Variants in FMNL2 observed in about 807,000 individuals in gnomAD.
The protein encoded by FMNL2 is formin like 2.
A neutral mutation model predicts 130.2 loss-of-function variants in FMNL2; 51 were observed. That is an observed-to-expected ratio of 0.39 (90% CI 0.31 to 0.49). FMNL2 has a LOEUF of 0.49. FMNL2 is among the 20% of genes least tolerant of loss of function. The pLI is 0.85. For synonymous variants in FMNL2, 465 were observed against 467.1 expected, an observed-to-expected ratio of 1.00 and a Z score of 0.06; for missense variants, 977 against 1,316.2, an observed-to-expected ratio of 0.74 and a Z score of 3.99.
chr2:152,521,874 T>C, intron 1 of FMNL2, 69 bp from the exon 2 acceptor site: 2 of 1,248,854 alleles, frequency 1.6e-6, no homozygotes, highest in South Asian at 2.5e-5. Context: ...TTGGTCTGCC[T>C]GCAAGTTACC....
intron 9 of FMNL2, among the ~76,000 whole-genome samples, chr2:152,605,310 G>T (rs950001495): frequency 1.4e-5 from 2 of 146,140 alleles, no homozygotes; most frequent in Non-Finnish European, 3.0e-5. Flanking sequence ...GCGTGTGCGT[G>T]TGTGTGTGCG....
At chr2:152,444,218 A>G (rs1008905486) in intron 1 of FMNL2, among the ~76,000 whole-genome samples, 1 of 152,138 alleles carries the variant, frequency 6.6e-6, no homozygotes, top group African/African-American at 2.4e-5. Flanking sequence ...AAGAGACTTG[A>G]GAGTGTTTAA....
rs543387520 is a variant in FMNL2, at chr2:152,468,817, C to G, written c.118-53126C>G. ...ACAATACCTTACTGAAGCAAGTGCTCAAAAGATAATTATTGAATAGGTGAT... is the reference window on the plus strand; with the variant it reads ...ACAATACCTTACTGAAGCAAGTGCTGAAAAGATAATTATTGAATAGGTGAT... On this transcript the variant is annotated intron_variant, in intron 1 of 25. Coordinates refer to ENST00000288670, the MANE Select transcript of FMNL2 (RefSeq NM_052905.4). 1.9e-4 allele frequency among the ~76,000 whole-genome samples: 29 copies of G among 152,226 alleles called. 1 individual carries two copies. Among genetic ancestry groups the G allele is most frequent in the Middle Eastern group, 3.4e-3 (1 of 294 alleles).
At position 152,558,830 on chromosome 2, in the gene FMNL2, A is replaced by AAAACTTGGCTTGCTTGCATTTGAATT; in HGVS notation, c.443+8_443+33dup. ...TTGCACAGTACGCGGTAACGTAAGT[A>AAAACTTGGCTTGCTTGCATTTGAATT]AAACTTGGCTTGCTTGCATTTGAAT... On this transcript the variant is annotated splice_region_variant and intron_variant, in intron 5 of 25. Coordinates refer to ENST00000288670, the MANE Select transcript of FMNL2 (RefSeq NM_052905.4). 1.2e-6 allele frequency: 2 copies of AAAACTTGGCTTGCTTGCATTTGAATT among 1,612,270 alleles called. No individual in the cohort carries two copies. The highest frequency in any genetic ancestry group is 1.7e-6 in the Non-Finnish European group (2 of 1,179,098).
At chr2:152,381,394 C>G (rs1320450251) in intron 1 of FMNL2, among the ~76,000 whole-genome samples, 1 of 152,128 alleles carries the variant, frequency 6.6e-6, no homozygotes, top group East Asian at 1.9e-4. Flanking sequence ...GTGCCCTCTT[C>G]CAGAAGGGAA....
intron 1 of FMNL2, among the ~76,000 whole-genome samples, chr2:152,463,964 G>A (rs369828642): frequency 3.3e-5 from 5 of 152,014 alleles, no homozygotes; most frequent in African/African-American, 1.2e-4. Flanking sequence ...ATGGAGTCTC[G>A]CTCTATCACC....
chr2:152,439,349 G>C (rs548932738), intron 1 of FMNL2, among the ~76,000 whole-genome samples: 25 of 152,030 alleles, frequency 1.6e-4, no homozygotes, highest in Non-Finnish European at 3.2e-4. Flanking sequence ...TTATTTTCAA[G>C]GTTCAAGGTT....
chr2:152,389,666 G>C (rs1472493521), intron 1 of FMNL2, among the ~76,000 whole-genome samples: 3 of 152,234 alleles, frequency 2.0e-5, no homozygotes, highest in Admixed American at 6.5e-5. Context: ...ACGTGGATCC[G>C]AGCCGGCGCG....
At chr2:152,338,952 A>G (rs1182295597) in intron 1 of FMNL2, among the ~76,000 whole-genome samples, 1 of 152,226 alleles carries the variant, frequency 6.6e-6, no homozygotes, top group Non-Finnish European at 1.5e-5. Context: ...TTATAAAGTC[A>G]GCCACGTACT....
chr2:152,569,111 CTT>C (rs34246751), intron 6 of FMNL2, among the ~76,000 whole-genome samples: 97,596 of 133,134 alleles, frequency 0.73, 35,317 homozygotes, highest in East Asian at 0.8. Context: ...CCGCCCCAAT[CTT>C]TTTTTTTTTT....
intron 4 of FMNL2, among the ~76,000 whole-genome samples, chr2:152,554,939 T>C (rs1002280432): frequency 6.6e-6 from 1 of 152,200 alleles, no homozygotes; most frequent in African/African-American, 2.4e-5. Context: ...GAGCTTCCTG[T>C]TTTGTCACAC....
At chr2:152,542,682 G>A in intron 2 of FMNL2, 57 bp from the exon 3 acceptor site, 1 of 1,565,086 alleles carries the variant, frequency 6.4e-7, no homozygotes, top group Non-Finnish European at 8.8e-7. Flanking sequence ...ATCTGATGTG[G>A]CTGACTGTGT....
chr2:152,573,415 G>T (rs1030691172), intron 6 of FMNL2, among the ~76,000 whole-genome samples: 2 of 152,202 alleles, frequency 1.3e-5, no homozygotes, highest in Non-Finnish European at 2.9e-5. Context: ...GATGAGTCAG[G>T]TTGATGATGA....
chr2:152,355,665 C>G (rs142580642), intron 1 of FMNL2, among the ~76,000 whole-genome samples: 18 of 152,308 alleles, frequency 1.2e-4, no homozygotes, highest in African/African-American at 4.1e-4. Context: ...TTGTACAGGC[C>G]TTCTTTCCTT....
At chr2:152,641,766 G>A (rs528876512) in intron 25 of FMNL2, among the ~76,000 whole-genome samples, 4 of 151,880 alleles carry the variant, frequency 2.6e-5, no homozygotes, top group African/African-American at 7.2e-5. Context: ...AATTTCACTT[G>A]GAAATATTTC....
Position 152,628,475 on chromosome 2 carries a change from AGAT to A in FMNL2, c.2345_2347del (p.Met782del). On this transcript the variant is annotated inframe_deletion, in exon 18 of 26. Transcript: ENST00000288670. ...AGTAAAATCGAGAGGCTCATGCAGAAGATGACCATCATGGCCTTCATTGGGAAC... is the reference window on the plus strand; with the variant it reads ...AGTAAAATCGAGAGGCTCATGCAGAAGACCATCATGGCCTTCATTGGGAAC... 2 of 1,614,058 alleles carry A rather than the reference AGAT, an allele frequency of 1.2e-6. No individual in the cohort carries two copies. Among genetic ancestry groups the A allele is most frequent in the Non-Finnish European group, 1.7e-6 (2 of 1,179,896 alleles).
At chr2:152,361,187 A>ATTCTAATAT (rs1319866748) in intron 1 of FMNL2, among the ~76,000 whole-genome samples, 3 of 152,176 alleles carry the variant, frequency 2.0e-5, no homozygotes, top group South Asian at 2.1e-4. Context: ...ATTCTTTGAT[A>ATTCTAATAT]ACTTCTAATG....
At chr2:152,529,697 G>A (rs914360645) in intron 2 of FMNL2, among the ~76,000 whole-genome samples, 2 of 152,122 alleles carry the variant, frequency 1.3e-5, no homozygotes, top group African/African-American at 4.8e-5. Flanking sequence ...TCTTCTAGAG[G>A]TTTCCTTTGG....
chr2:152,464,473 C>T (rs1689419336), intron 1 of FMNL2, among the ~76,000 whole-genome samples: 1 of 152,272 alleles, frequency 6.6e-6, no homozygotes, highest in East Asian at 1.9e-4. Flanking sequence ...GAATGTACCC[C>T]CCTGATGGAC....
Sources: allele counts gnomAD v4.1 joint callset (sites outside exome capture counted in the v4.1 genomes callset), GRCh38; gene constraint gnomAD v4.1.1; transcripts MANE v1.5; gene names NCBI Gene and HGNC (gene_info 2026-07-23, HGNC 2026-07-21).